Variants in FSTL5 observed in about 807,000 individuals in gnomAD.
FSTL5 encodes the protein follistatin like 5.
Under a neutral mutation model 89.1 loss-of-function variants are expected in FSTL5, and 62 were observed. The observed-to-expected ratio is 0.70, with a 90% CI of 0.57 to 0.86. The LOEUF (loss-of-function observed/expected upper bound fraction) is 0.86. FSTL5 is among the 40% of genes least tolerant of loss of function. The pLI is 0.00. For missense variants in FSTL5, 1,057 were observed against 1,001.6 expected, an observed-to-expected ratio of 1.06 and a Z score of -0.75; for synonymous variants, 383 against 346.2, an observed-to-expected ratio of 1.11 and a Z score of -1.18.
chr4:161,526,893 T>C (rs1052955076), intron 10 of FSTL5, among the ~76,000 whole-genome samples: 6 of 152,214 alleles, frequency 3.9e-5, no homozygotes, highest in Non-Finnish European at 7.3e-5. Flanking sequence ...TGGCTCCAGC[T>C]TTGTTCTTTT....
chr4:161,656,291 T>C (rs745788540), intron 7 of FSTL5, 37 bp downstream of exon 7: 1 of 1,167,064 alleles, frequency 8.6e-7, no homozygotes, highest in Admixed American at 2.4e-5. Context: ...TCACATGAAA[T>C]ATATATATTA....
At position 161,534,764 on chromosome 4, in the gene FSTL5, C is replaced by T. The variant is rs74616313; in HGVS notation, c.1312+3402G>A. Among the ~76,000 whole-genome samples the T allele has an allele frequency of 5.8e-3, 876 of 152,074 alleles. 8 individuals are homozygous for T. The highest frequency in any genetic ancestry group is 0.02 in the African/African-American group (820 of 41,516). On this transcript the variant is annotated intron_variant, in intron 10 of 15. Transcript: ENST00000306100. ...TGGAACCAAAAGAGAGTATGAGTAG[C>T]CAAAGCAATCCTAAGCAAAAAGAAC...
At chr4:162,061,051 G>A (rs1355162945) in intron 2 of FSTL5, among the ~76,000 whole-genome samples, 1 of 151,982 alleles carries the variant, frequency 6.6e-6, no homozygotes, top group African/African-American at 2.4e-5. Flanking sequence ...ATCATAATAA[G>A]GTATTAAAAT....
intron 10 of FSTL5, among the ~76,000 whole-genome samples, chr4:161,532,129 C>T (rs1453957283): frequency 2.0e-5 from 3 of 150,746 alleles, no homozygotes; most frequent in African/African-American, 7.3e-5. Context: ...GGCATGAACC[C>T]GGGAGGCAGA....
At chr4:161,791,239 AG>A (rs1255942637) in intron 4 of FSTL5, among the ~76,000 whole-genome samples, 4 of 152,032 alleles carry the variant, frequency 2.6e-5, no homozygotes, top group African/African-American at 9.7e-5. Flanking sequence ...AAATGAAGGG[AG>A]GGTGATGGAG....
intron 4 of FSTL5, among the ~76,000 whole-genome samples, chr4:161,913,030 T>A (rs914137027): frequency 6.6e-6 from 1 of 151,954 alleles, no homozygotes; most frequent in African/African-American, 2.4e-5. Context: ...GTGGAAAAAA[T>A]TTCTAAGCAG....
chr4:161,632,496 T>C (rs1412028157), intron 7 of FSTL5, among the ~76,000 whole-genome samples: 3 of 152,224 alleles, frequency 2.0e-5, no homozygotes, highest in African/African-American at 7.2e-5. Flanking sequence ...ATATGTATCA[T>C]TTAATGGCCA....
chr4:161,993,278 G>T (rs1247892929), intron 3 of FSTL5, among the ~76,000 whole-genome samples: 2 of 151,526 alleles, frequency 1.3e-5, no homozygotes, highest in Admixed American at 1.3e-4. Context: ...AAATGACAAG[G>T]CTTATAAATT....
intron 4 of FSTL5, among the ~76,000 whole-genome samples, chr4:161,854,457 G>A (rs541465717): frequency 6.6e-6 from 1 of 152,142 alleles, no homozygotes. Flanking sequence ...TTGATGGTAA[G>A]CATTCACATT....
intron 9 of FSTL5, among the ~76,000 whole-genome samples, chr4:161,542,085 ATTC>A (rs1308033109): frequency 2.6e-5 from 4 of 151,962 alleles, no homozygotes; most frequent in East Asian, 3.9e-4. Flanking sequence ...ACTTTTTGAT[ATTC>A]TTCTCCCTTC....
At chr4:161,477,651 T>G (rs1167829853) in intron 13 of FSTL5, among the ~76,000 whole-genome samples, 1 of 57,506 alleles carries the variant, frequency 1.7e-5, no homozygotes, top group Non-Finnish European at 4.0e-5. Context: ...TCTCTGAACT[T>G]ATTTAATCAT....
chr4:162,078,970 TAAC>T (rs1729977947), intron 2 of FSTL5, among the ~76,000 whole-genome samples: 1 of 151,738 alleles, frequency 6.6e-6, no homozygotes, highest in African/African-American at 2.4e-5. Flanking sequence ...AAAACATCAG[TAAC>T]AACAAGAAAA....
chr4:162,087,719 A>G (rs1471935763), intron 2 of FSTL5, among the ~76,000 whole-genome samples: 1 of 152,148 alleles, frequency 6.6e-6, no homozygotes, highest in Admixed American at 6.6e-5. Flanking sequence ...CTGAATTACT[A>G]TGGACCTTCC....
At chr4:161,833,581 T>C (rs1410600290) in intron 4 of FSTL5, among the ~76,000 whole-genome samples, 1 of 151,312 alleles carries the variant, frequency 6.6e-6, no homozygotes, top group Non-Finnish European at 1.5e-5. Flanking sequence ...TGGGTGCATA[T>C]ATATTTAGGA....
At chr4:161,982,605 A>G (rs1280593211) in intron 3 of FSTL5, among the ~76,000 whole-genome samples, 1 of 152,224 alleles carries the variant, frequency 6.6e-6, no homozygotes, top group African/African-American at 2.4e-5. Flanking sequence ...TCTAATACAT[A>G]TAAAAGAATT....
intron 8 of FSTL5, among the ~76,000 whole-genome samples, chr4:161,571,533 C>T (rs1308133740): frequency 6.6e-6 from 1 of 151,704 alleles, no homozygotes; most frequent in Non-Finnish European, 1.5e-5. Flanking sequence ...AAGAATGGAA[C>T]AATTAAGAAA....
chr4:162,138,920 A>C (rs1278574532), intron 1 of FSTL5, among the ~76,000 whole-genome samples: 2 of 152,084 alleles, frequency 1.3e-5, no homozygotes, highest in African/African-American at 2.4e-5. Flanking sequence ...GGAAGAAATT[A>C]AATATTTTAT....
chr4:161,448,904 A>G (rs1222222394), intron 15 of FSTL5, among the ~76,000 whole-genome samples: 1 of 152,078 alleles, frequency 6.6e-6, no homozygotes, highest in Non-Finnish European at 1.5e-5. Flanking sequence ...TGAATTCCTG[A>G]TTTACCCTAG....
chr4:161,776,411 C>G (rs546754410), intron 4 of FSTL5, among the ~76,000 whole-genome samples: 2 of 152,074 alleles, frequency 1.3e-5, no homozygotes, highest in East Asian at 3.9e-4. Flanking sequence ...TATCCTTACT[C>G]TATATTTCTG....
Sources: allele counts gnomAD v4.1 joint callset (sites outside exome capture counted in the v4.1 genomes callset), GRCh38; gene constraint gnomAD v4.1.1; transcripts MANE v1.5; gene names NCBI Gene and HGNC (gene_info 2026-07-23, HGNC 2026-07-21).